Variants in CCDC51 observed in about 807,000 individuals in gnomAD.
CCDC51 encodes coiled-coil domain containing 51, also known as mitochondrial potassium channel.
A neutral mutation model predicts 24.8 loss-of-function variants in CCDC51; 25 were observed. The ratio of observed to expected loss-of-function variants is 1.01; its 90% CI spans 0.73 to 1.41. The LOEUF is 1.41. CCDC51 is among the 40% of genes most tolerant of loss of function. CCDC51 has a pLI of 0.00. For synonymous variants in CCDC51, 190 were observed against 204.3 expected (o/e 0.93, Z 0.60); for missense variants, 466 against 519.1 (o/e 0.90, Z 0.99).
At position 48,433,967 on chromosome 3, in the gene CCDC51, G is replaced by A; in HGVS notation, c.313-96C>T. 6.6e-7 allele frequency: 1 copy of A among 1,524,028 alleles called. No individual in the cohort carries two copies. The highest frequency in any genetic ancestry group is 1.3e-5 in the South Asian group (1 of 77,684). 94.4% of individuals were successfully genotyped at this position (1,524,028 alleles called of 1,614,324 possible). On this transcript the variant is annotated intron_variant, in intron 2 of 3. Transcript: ENST00000395694. The surrounding 1 kb of genome is among the most constrained non-coding windows in gnomAD (Gnocchi z 4.4). The stretch of plus-strand genomic sequence containing the variant: ...CAAGGCATTCCCAGAAGAGGTCACT[G>A]GGGTGTGAGCTGCAAAGGGTGGAAA...
At chr3:48,443,476 G>A (rs1391759005), upstream of CCDC51, among the ~76,000 whole-genome samples, 4 of 151,692 alleles carry the variant, frequency 2.6e-5, no homozygotes, top group African/African-American at 9.7e-5. Flanking sequence ...AGAGGTTGCA[G>A]TGAGCTGAGA....
upstream of CCDC51, among the ~76,000 whole-genome samples, chr3:48,442,145 G>A (rs191228850): frequency 3.9e-4 from 59 of 152,028 alleles, no homozygotes; most frequent in Non-Finnish European, 5.9e-5. Context: ...AGGCAGCCTC[G>A]CTTAAGCCCA....
chr3:48,433,405 C>T lies in CCDC51; in HGVS notation c.478-239G>A, dbSNP rs2039249658. 6.6e-6 allele frequency among the ~76,000 whole-genome samples: 1 copy of T among 152,314 alleles called. No individual in the cohort carries two copies. Among genetic ancestry groups the T allele is most frequent in the Middle Eastern group, 3.4e-3 (1 of 294 alleles). On this transcript the variant is annotated intron_variant, in intron 3 of 3. Transcript: ENST00000395694. This position sits in a 1 kb window ranked among gnomAD's most constrained non-coding sequence, Gnocchi z 4.4. ...AGTTCTGGGTTTGACCAGAGGTGCA[C>T]TTATGTCTACACAAAGGGAAGTGTC...
At chr3:48,440,324 G>A (rs570582594), upstream of CCDC51, 5 of 1,611,402 alleles carry the variant, frequency 3.1e-6, no homozygotes, top group African/African-American at 5.3e-5. Context: ...TAAGTGTTCC[G>A]GAACCGTGAG....
upstream of CCDC51, chr3:48,440,146 A>G: frequency 7.6e-7 from 1 of 1,314,730 alleles, no homozygotes; most frequent in Non-Finnish European, 1.0e-6. Flanking sequence ...CTGACCTGTT[A>G]GTACCCGCCC....
Position 48,435,270 on chromosome 3 carries a change from GC to G in CCDC51, c.-8-135del. 2 of 727,170 alleles carry G rather than the reference GC, an allele frequency of 2.8e-6. No individual in the cohort carries two copies. Among genetic ancestry groups the G allele is most frequent in the Non-Finnish European group, 4.3e-6 (2 of 464,570 alleles). The allele number at this position is 727,170 out of a possible 1,614,324, so 45.0% of individuals were successfully genotyped here. A position where few individuals can be genotyped will look rare whatever the true frequency, so the allele number is the denominator to read the frequency against. ...TCTAAACTGAGCACCACCCTGTTGGGCCCAGAGACTGTGGCCCCTGTGGCAA... is the reference window on the plus strand; with the variant it reads ...TCTAAACTGAGCACCACCCTGTTGGGCCAGAGACTGTGGCCCCTGTGGCAA... On this transcript the variant is annotated intron_variant, in intron 1 of 3. Transcript: ENST00000395694. The surrounding 1 kb of genome is among the most constrained non-coding windows in gnomAD (Gnocchi z 4.2).
At chr3:48,440,440 G>A (rs776697669), upstream of CCDC51, 2 of 1,612,558 alleles carry the variant, frequency 1.2e-6, no homozygotes, top group South Asian at 1.1e-5. Flanking sequence ...CCAAGAAGCA[G>A]GCCAAGGAGA....
Position 48,433,198 on chromosome 3 carries a change from A to C in CCDC51, c.478-32T>G, listed in dbSNP as rs758100347. The C allele has an allele frequency of 1.3e-6, 2 of 1,599,058 alleles. No homozygotes were observed. Among genetic ancestry groups the C allele is most frequent in the East Asian group, 4.5e-5 (2 of 44,718 alleles). Reference sequence around the variant, plus strand: ...AAGCAAAGCCATGTTATTGGATTACATGGGCACAAGGTGGCCCTGCAGCTA... The same window carrying C: ...AAGCAAAGCCATGTTATTGGATTACCTGGGCACAAGGTGGCCCTGCAGCTA... On this transcript the variant is annotated intron_variant, in intron 3 of 3. Transcript: ENST00000395694. The surrounding 1 kb of genome is among the most constrained non-coding windows in gnomAD (Gnocchi z 4.4).
Position 48,433,629 on chromosome 3 carries a change from T to A in CCDC51, c.477+78A>T, listed in dbSNP as rs2039256422. 2 of 1,495,072 alleles carry A rather than the reference T, an allele frequency of 1.3e-6. No homozygotes were observed. Among genetic ancestry groups the A allele is most frequent in the Non-Finnish European group, 1.8e-6 (2 of 1,098,562 alleles). 92.6% of individuals were successfully genotyped at this position (1,495,072 alleles called of 1,614,324 possible). ...CCTCTGACTACAGACCAGTCAGGGT[T>A]CCCACCCGGCCCCTCCATGATCTGC... On this transcript the variant is annotated intron_variant, in intron 3 of 3. Coordinates refer to ENST00000395694, the MANE Select transcript of CCDC51 (RefSeq NM_001256964.2). The surrounding 1 kb of genome is among the most constrained non-coding windows in gnomAD (Gnocchi z 4.4).
At position 48,437,069 on chromosome 3, in the gene CCDC51, T is replaced by A. The variant is rs2039377370; in HGVS notation, c.-8-1933A>T. On this transcript the variant is annotated intron_variant, in intron 1 of 3. Transcript: ENST00000395694. The surrounding 1 kb of genome is among the most constrained non-coding windows in gnomAD (Gnocchi z 4.2). ...CCAGCCACCGTGCTGGTCTGTGCCC[T>A]GCCACCTTGTCCAGCTGGATGACTC... Among the ~76,000 whole-genome samples, 1 of 152,330 alleles carries A rather than the reference T, an allele frequency of 6.6e-6. No homozygotes were observed. The highest frequency in any genetic ancestry group is 2.1e-4 in the South Asian group (1 of 4,824).
chr3:48,444,008 C>G (rs576596946), upstream of CCDC51: 3 of 685,554 alleles, frequency 4.4e-6, no homozygotes, highest in Non-Finnish European at 6.4e-6. Flanking sequence ...AGCTGTTGTA[C>G]ATTTAAGAAT....
At chr3:48,443,575 T>A (rs77701454), upstream of CCDC51, among the ~76,000 whole-genome samples, 1,183 of 151,694 alleles carry the variant, frequency 7.8e-3, 10 homozygotes, top group East Asian at 0.015. Context: ...GTAAAATGGG[T>A]TGATATGGCA....
upstream of CCDC51, among the ~76,000 whole-genome samples, chr3:48,444,592 GA>G (rs974549713): frequency 1.8e-4 from 28 of 152,268 alleles, no homozygotes; most frequent in Non-Finnish European, 3.8e-4. Flanking sequence ...GCTTTTAAAA[GA>G]AAACCCATCT....
At chr3:48,440,921 T>C (rs2039546053), upstream of CCDC51, 1 of 496,546 alleles carries the variant, frequency 2.0e-6, no homozygotes, top group South Asian at 2.5e-5. Flanking sequence ...CAGTTAAGTT[T>C]CTCAAAGTCT....
rs922575564 is a variant in CCDC51, at chr3:48,437,635, T to C, written c.-9+2353A>G. Among the ~76,000 whole-genome samples, 4 of 152,124 alleles carry C rather than the reference T, an allele frequency of 2.6e-5. No homozygotes were observed. Among genetic ancestry groups the C allele is most frequent in the African/African-American group, 9.7e-5 (4 of 41,412 alleles). On this transcript the variant is annotated intron_variant, in intron 1 of 3. Transcript: ENST00000395694. The surrounding 1 kb of genome is among the most constrained non-coding windows in gnomAD (Gnocchi z 4.2). ...CCTTCAGATCCATTCTCCCGCTCTA[T>C]GTAGATGGCTGTCTCCTACCAACTG...
upstream of CCDC51, among the ~76,000 whole-genome samples, chr3:48,442,633 G>A (rs976239817): frequency 7.9e-5 from 12 of 151,706 alleles, no homozygotes; most frequent in Admixed American, 3.3e-4. Context: ...TGTATTTTTA[G>A]TAGAGACGGG....
At position 48,432,569 on chromosome 3, in the gene CCDC51, T is replaced by A; in HGVS notation, c.1075A>T (p.Ser359Cys). The change falls in exon 4 of 4, where the codon AGC (serine) becomes TGC (cysteine). Residue 359 changes from serine (S) to cysteine (C), a missense_variant. Transcript: ENST00000395694. The part of the protein sequence containing the change: ...LVEPADGAMP[S>C]FLLEQGSMIL... The stretch of plus-strand genomic sequence containing the variant: ...ATGCTCCCCTGCTCCAGCAAGAAGC[T>A]GGGCATAGCCCCGTCTGCTGGTTCC... 1 of 1,614,246 alleles carries A rather than the reference T, an allele frequency of 6.2e-7. No homozygotes were observed. Among genetic ancestry groups the A allele is most frequent in the Non-Finnish European group, 8.5e-7 (1 of 1,180,044 alleles).
Position 48,433,224 on chromosome 3 carries a change from T to C in CCDC51, c.478-58A>G. On this transcript the variant is annotated intron_variant, in intron 3 of 3. Transcript: ENST00000395694. This position sits in a 1 kb window ranked among gnomAD's most constrained non-coding sequence, Gnocchi z 4.4. Reference sequence around the variant, plus strand: ...TGGGCACAAGGTGGCCCTGCAGCTATAGCCACCAGCAGATGGCTCACTACC... The same window carrying C: ...TGGGCACAAGGTGGCCCTGCAGCTACAGCCACCAGCAGATGGCTCACTACC... 6 of 1,526,694 alleles carry C rather than the reference T, an allele frequency of 3.9e-6. No individual in the cohort carries two copies. Among genetic ancestry groups the C allele is most frequent in the Non-Finnish European group, 5.4e-6 (6 of 1,119,032 alleles). 94.6% of individuals were successfully genotyped at this position (1,526,694 alleles called of 1,614,324 possible).
rs1403036578 is a variant in CCDC51, at chr3:48,440,022, G to C, written c.-43C>G. The C allele has an allele frequency of 1.5e-5, 8 of 533,330 alleles. No homozygotes were observed. The highest frequency in any genetic ancestry group is 2.6e-5 in the Non-Finnish European group (8 of 306,824). 33.0% of individuals were successfully genotyped at this position (533,330 alleles called of 1,614,324 possible). On this transcript the variant is annotated 5_prime_UTR_variant, in exon 1 of 4. Transcript: ENST00000395694. ...TCTTCCCGCGCACGGCCACAGGCCT[G>C]GTAGGCCGTCCGGTTAAGTACCCCT...
Sources: allele counts gnomAD v4.1 joint callset (sites outside exome capture counted in the v4.1 genomes callset), GRCh38; gene constraint gnomAD v4.1.1; non-coding constraint Gnocchi (gnomAD v3.1); transcripts MANE v1.5; gene names NCBI Gene and HGNC (gene_info 2026-07-23, HGNC 2026-07-21).